GALNT13: variants seen among roughly 807,000 people sequenced by gnomAD.
GALNT13 encodes the protein UDP-GalNAc:polypeptide N-acetylgalactosaminyltransferase 13.
Under a neutral mutation model 64.2 loss-of-function variants are expected in GALNT13, and 28 were observed. The ratio of observed to expected loss-of-function variants is 0.44; its 90% CI spans 0.32 to 0.60. The LOEUF (loss-of-function observed/expected upper bound fraction) is 0.60. Ranked by LOEUF, GALNT13 falls within the 20% of genes least tolerant of loss-of-function variation. GALNT13 has a pLI of 0.05. For missense variants in GALNT13, 577 were observed against 669.8 expected, an observed-to-expected ratio of 0.86 and a Z score of 1.53; for synonymous variants, 214 against 224.6, an observed-to-expected ratio of 0.95 and a Z score of 0.42.
At chr2:153,793,166 G>A in the GALNT13 span, among the ~76,000 whole-genome samples, 2 of 151,720 alleles carry the variant, frequency 1.3e-5, no homozygotes, top group Admixed American at 1.3e-4. Context: ...TAGAGACGGG[G>A]TTTCACCATG....
chr2:153,255,151 T>C, the GALNT13 span, among the ~76,000 whole-genome samples: 4 of 151,544 alleles, frequency 2.6e-5, no homozygotes, highest in Admixed American at 6.6e-5. Context: ...ATCTGGGTGC[T>C]CCTGTATTGG....
the GALNT13 span, among the ~76,000 whole-genome samples, chr2:153,344,727 AAG>A: frequency 6.6e-6 from 1 of 152,212 alleles, no homozygotes; most frequent in Admixed American, 6.5e-5. Flanking sequence ...GAAATTTGCT[AAG>A]AGAGTATATC....
chr2:153,133,677 T>C, the GALNT13 span, among the ~76,000 whole-genome samples: 335 of 152,216 alleles, frequency 2.2e-3, no homozygotes, highest in African/African-American at 7.7e-3. Context: ...CTGAAGTTAA[T>C]TGTTCTCTAT....
At chr2:154,353,615 C>A (rs1696541202) in intron 9 of GALNT13, among the ~76,000 whole-genome samples, 1 of 152,112 alleles carries the variant, frequency 6.6e-6, no homozygotes, top group Non-Finnish European at 1.5e-5. Flanking sequence ...ATTTTTTCTG[C>A]AAGTTTGACC....
At chr2:154,274,139 A>G (rs1371428701) in intron 8 of GALNT13, among the ~76,000 whole-genome samples, 2 of 152,100 alleles carry the variant, frequency 1.3e-5, no homozygotes, top group Non-Finnish European at 2.9e-5. Flanking sequence ...GACCCTGTGG[A>G]TGGCATATAC....
intron 3 of GALNT13, among the ~76,000 whole-genome samples, chr2:154,045,334 A>T (rs1699220840): frequency 6.6e-6 from 1 of 152,216 alleles, no homozygotes; most frequent in African/African-American, 2.4e-5. Context: ...GGTACATAAT[A>T]GCTGTCATAT....
intron 9 of GALNT13, among the ~76,000 whole-genome samples, chr2:154,348,382 G>T (rs1257225586): frequency 1.3e-5 from 2 of 151,956 alleles, no homozygotes; most frequent in East Asian, 3.9e-4. Context: ...TTTGAATAGT[G>T]TTAATAGTGC....
At chr2:154,438,207 TGGA>T (rs150735594) in intron 11 of GALNT13, among the ~76,000 whole-genome samples, 6,767 of 152,270 alleles carry the variant, frequency 0.044, 529 homozygotes, top group Admixed American at 0.22. Context: ...ATTGTAGAAT[TGGA>T]GAACTGGTCA....
chr2:153,113,082 T>C, the GALNT13 span, among the ~76,000 whole-genome samples: 12 of 152,252 alleles, frequency 7.9e-5, no homozygotes, highest in Middle Eastern at 3.4e-3. Context: ...GTCTTCACTT[T>C]GATTCATTCC....
chr2:153,236,050 T>C, the GALNT13 span, among the ~76,000 whole-genome samples: 1 of 152,098 alleles, frequency 6.6e-6, no homozygotes, highest in African/African-American at 2.4e-5. Flanking sequence ...GAAGTTTTGG[T>C]GGTCTGGACT....
the GALNT13 span, among the ~76,000 whole-genome samples, chr2:153,549,130 G>C: frequency 0.029 from 4,389 of 152,224 alleles, 166 homozygotes; most frequent in South Asian, 0.16. Flanking sequence ...TGGAGTGACT[G>C]ATGATGGGTA....
the GALNT13 span, among the ~76,000 whole-genome samples, chr2:153,372,752 T>C: frequency 6.6e-6 from 1 of 152,172 alleles, no homozygotes. Flanking sequence ...TCATCCTTCA[T>C]CTCCTTTGGA....
At chr2:153,467,813 A>C in the GALNT13 span, among the ~76,000 whole-genome samples, 2 of 152,052 alleles carry the variant, frequency 1.3e-5, no homozygotes, top group African/African-American at 4.8e-5. Flanking sequence ...CCATGTCAAC[A>C]ATACAATCCG....
chr2:154,312,556 CAT>C (rs1158667056), intron 9 of GALNT13, among the ~76,000 whole-genome samples: 5 of 152,150 alleles, frequency 3.3e-5, no homozygotes, highest in South Asian at 4.1e-4. Context: ...GAGGTTATTA[CAT>C]GTGTGTGGTA....
chr2:153,630,318 AT>A, the GALNT13 span, among the ~76,000 whole-genome samples: 2 of 152,218 alleles, frequency 1.3e-5, no homozygotes, highest in East Asian at 3.9e-4. Flanking sequence ...CTATGCAGCC[AT>A]AAAAAATGAT....
chr2:154,345,822 A>C (rs1356369624), intron 9 of GALNT13, among the ~76,000 whole-genome samples: 2 of 152,078 alleles, frequency 1.3e-5, no homozygotes, highest in Non-Finnish European at 2.9e-5. Context: ...TTTCCAGACA[A>C]TGGTCTCATT....
chr2:153,503,201 T>A, the GALNT13 span, among the ~76,000 whole-genome samples: 1 of 152,196 alleles, frequency 6.6e-6, no homozygotes, highest in African/African-American at 2.4e-5. Context: ...CTAGAATCCT[T>A]ATGGTTTCAG....
At chr2:154,261,394 T>G (rs1218173539) in intron 8 of GALNT13, among the ~76,000 whole-genome samples, 1 of 152,164 alleles carries the variant, frequency 6.6e-6, no homozygotes, top group African/African-American at 2.4e-5. Context: ...GACTCTTAAT[T>G]TATGTTTTAC....
At chr2:154,423,954 C>G (rs1306420500) in intron 11 of GALNT13, among the ~76,000 whole-genome samples, 2 of 152,062 alleles carry the variant, frequency 1.3e-5, no homozygotes, top group Admixed American at 1.3e-4. Flanking sequence ...GTCTTCCACC[C>G]CCAACCCTAG....
Sources: gnomAD v4.1 joint callset for allele counts (sites outside exome capture counted in the v4.1 genomes callset) on GRCh38, gnomAD v4.1.1 for gene constraint, MANE v1.5 for transcripts, NCBI Gene and HGNC (gene_info 2026-07-23, HGNC 2026-07-21) for gene names.